The following LCP2 variants were observed in gnomAD, a reference collection of about 807,000 sequenced individuals.
The protein encoded by LCP2 is 76 kDa tyrosine phosphoprotein.
Under a neutral mutation model 74.5 loss-of-function variants are expected in LCP2, and 29 were observed. The ratio of observed to expected loss-of-function variants is 0.39; its 90% CI spans 0.29 to 0.53. LCP2 has a LOEUF of 0.53. Among genes scored for constraint, LCP2 ranks in the 20% least tolerant of loss-of-function variants. The pLI is 0.72. For missense variants in LCP2, 604 were observed against 634.6 expected (o/e 0.95, Z 0.52); for synonymous variants, 228 against 229.5 (o/e 0.99, Z 0.06).
At chr5:170,284,484 G>C (rs1242678190) in intron 3 of LCP2, among the ~76,000 whole-genome samples, 4 of 149,162 alleles carry the variant, frequency 2.7e-5, no homozygotes, top group African/African-American at 9.9e-5. Context: ...CTGCTTTTAA[G>C]ATTTTCTTTT....
chr5:170,284,890 A>G (rs1183815029), intron 3 of LCP2, among the ~76,000 whole-genome samples: 5 of 151,892 alleles, frequency 3.3e-5, no homozygotes, highest in Admixed American at 2.6e-4. Flanking sequence ...AGCTGGAACT[A>G]CAGTCGCCTG....
chr5:170,296,938 C>T (rs367909995), intron 1 of LCP2, among the ~76,000 whole-genome samples: 2 of 152,300 alleles, frequency 1.3e-5, no homozygotes, highest in Admixed American at 6.5e-5. Flanking sequence ...CCCTTAGGGT[C>T]GTGAGCAGTG....
intron 6 of LCP2, 89 bp downstream of exon 6, chr5:170,274,212 C>T (rs753486940): frequency 2.5e-4 from 334 of 1,360,030 alleles, no homozygotes; most frequent in Non-Finnish European, 3.1e-4. Flanking sequence ...GTTAGAGCCC[C>T]GCTTCACTTG....
chr5:170,252,938 A>G (rs562602780), intron 18 of LCP2, among the ~76,000 whole-genome samples, 181 bp downstream of exon 18: 1 of 152,370 alleles, frequency 6.6e-6, no homozygotes, highest in East Asian at 1.9e-4. Flanking sequence ...AAGCGTCTGA[A>G]AGAACGCCAA....
intron 3 of LCP2, among the ~76,000 whole-genome samples, chr5:170,285,772 T>C (rs996945644): frequency 4.6e-5 from 7 of 152,182 alleles, no homozygotes; most frequent in African/African-American, 1.7e-4. Context: ...CTTTCATGCA[T>C]GGACTGATCT....
chr5:170,262,692 G>C lies in LCP2; in HGVS notation c.869C>G (p.Thr290Ser). 6.2e-7 allele frequency: 1 copy of C among 1,614,008 alleles called. No individual in the cohort carries two copies. Among genetic ancestry groups the C allele is most frequent in the Non-Finnish European group, 8.5e-7 (1 of 1,179,876 alleles). Residue 290 changes from threonine to serine, a missense_variant, in exon 13 of 21, where the codon ACC becomes AGC. Transcript: ENST00000046794. ...GCTGCTCCTTTCATGTCTTTCCGTGGTCGGTGGTAAAGGAGGCTTTTGAAT... is the reference window on the plus strand; with the variant it reads ...GCTGCTCCTTTCATGTCTTTCCGTGCTCGGTGGTAAAGGAGGCTTTTGAAT... ...PKIQKPPLPPTTERHERSSPL... is the reference protein window; with the variant it reads ...PKIQKPPLPPSTERHERSSPL...
intron 3 of LCP2, among the ~76,000 whole-genome samples, chr5:170,279,097 C>T (rs1047385737): frequency 6.6e-6 from 1 of 152,138 alleles, no homozygotes; most frequent in Non-Finnish European, 1.5e-5. Context: ...CCCCATAAAC[C>T]CCTGGCCTCG....
At chr5:170,253,259 G>T (rs746639468) in intron 17 of LCP2, 46 bp from the exon 18 acceptor site, 3 of 1,326,684 alleles carry the variant, frequency 2.3e-6, no homozygotes, top group Non-Finnish European at 3.2e-6. Flanking sequence ...GTAAGCTATT[G>T]TTTGCTGCTA....
chr5:170,257,640 C>T (rs887839507), intron 16 of LCP2, among the ~76,000 whole-genome samples: 1 of 152,174 alleles, frequency 6.6e-6, no homozygotes, highest in East Asian at 1.9e-4. Context: ...TTCCTAGCAT[C>T]AGCCAAGCAC....
chr5:170,275,367 G>A lies in LCP2; in HGVS notation c.255-16C>T, dbSNP rs1761988942. 3.1e-6 allele frequency: 5 copies of A among 1,613,874 alleles called. No homozygotes were observed. Among genetic ancestry groups the A allele is most frequent in the Non-Finnish European group, 4.2e-6 (5 of 1,179,796 alleles). On this transcript the variant is annotated splice_polypyrimidine_tract_variant and intron_variant, in intron 4 of 20. Coordinates refer to ENST00000046794, the MANE Select transcript of LCP2 (RefSeq NM_005565.5). ...GACTTGGGGTCTGCAAAGGTAAATA[G>A]CACTGCATTAATGGTCTTCTCGATT...
At chr5:170,275,460 A>C in intron 4 of LCP2, 109 bp from the exon 5 acceptor site, 1 of 1,245,582 alleles carries the variant, frequency 8.0e-7, no homozygotes, top group South Asian at 1.2e-5. Context: ...GGCATGTCTC[A>C]CTGCTCAAGA....
chr5:170,280,083 A>G (rs1220558736), intron 3 of LCP2, among the ~76,000 whole-genome samples: 1 of 152,100 alleles, frequency 6.6e-6, no homozygotes, highest in Non-Finnish European at 1.5e-5. Context: ...TGTTTCCTCT[A>G]CTGTGGCACG....
In LCP2 at chr5:170,284,139, A is replaced by C. The variant is rs529096987; in HGVS notation, c.188+3831T>G. On this transcript the variant is annotated intron_variant, in intron 3 of 20. Coordinates refer to ENST00000046794, the MANE Select transcript of LCP2 (RefSeq NM_005565.5). ...ATGAATAAAGTATTATTGAAATATTAATCTTGTATAGGGACCACAAGATGC... is the reference window on the plus strand; with the variant it reads ...ATGAATAAAGTATTATTGAAATATTCATCTTGTATAGGGACCACAAGATGC... Among the ~76,000 whole-genome samples the C allele has an allele frequency of 2.6e-5, 4 of 152,348 alleles. No homozygotes were observed. In the East Asian group the frequency reaches 7.7e-4, roughly 29 times the overall value.
chr5:170,281,481 T>C (rs7708149), intron 3 of LCP2, among the ~76,000 whole-genome samples: 86,491 of 151,996 alleles, frequency 0.57, 24,863 homozygotes, highest in Admixed American at 0.65. Context: ...AGCGTTTCAC[T>C]GTGTTAGCCA....
intron 1 of LCP2, among the ~76,000 whole-genome samples, chr5:170,294,956 A>G (rs575930768): frequency 6.6e-6 from 1 of 152,332 alleles, no homozygotes; most frequent in Non-Finnish European, 1.5e-5. Context: ...TGTATTTTTA[A>G]GGAGCACCCT....
In LCP2 at chr5:170,247,364, TATC is replaced by T. The variant is rs1761322449; in HGVS notation, c.*1330_*1332del. Reference sequence around the variant, plus strand: ...CTTCTGCATACTCCTTATTTTAACATATCATCAGTTTTAAAATGGTGACTTCTT... The same window carrying T: ...CTTCTGCATACTCCTTATTTTAACATATCAGTTTTAAAATGGTGACTTCTT... On this transcript the variant is annotated 3_prime_UTR_variant, in exon 21 of 21. Transcript: ENST00000046794. 6.6e-6 allele frequency: 1 copy of T among 152,366 alleles called. No individual in the cohort carries two copies. Among genetic ancestry groups the T allele is most frequent in the African/African-American group, 2.4e-5 (1 of 41,594 alleles). The allele number at this position is 152,366 out of a possible 1,614,324, so 9.4% of individuals were successfully genotyped here.
chr5:170,270,789 A>T lies in LCP2; in HGVS notation c.453T>A (p.Asn151Lys). ...TGGAGTTCTGCAGAGCTTCCTCGTC[A>T]TTGGAGGGTGGCGGCTCATAATCCG... is the stretch of plus-strand genomic sequence containing the variant. ...DDADYEPPPS[N>K]DEEALQNSIL... Residue 151 changes from asparagine (N) to lysine (K), a missense_variant, in exon 7 of 21, where the codon AAT becomes AAA. By Grantham distance (94) the Asn-to-Lys change is moderately conservative. Coordinates refer to ENST00000046794, the MANE Select transcript of LCP2 (RefSeq NM_005565.5). 6.2e-7 allele frequency: 1 copy of T among 1,608,952 alleles called. No homozygotes were observed. Among genetic ancestry groups the T allele is most frequent in the Non-Finnish European group, 8.5e-7 (1 of 1,177,624 alleles).
chr5:170,259,410 C>A (rs140999404), intron 14 of LCP2, among the ~76,000 whole-genome samples: 1 of 152,170 alleles, frequency 6.6e-6, no homozygotes, highest in African/African-American at 2.4e-5. Flanking sequence ...CATATTTATA[C>A]GGTGGCTTAC....
rs144969623 is a variant in LCP2 at position 170,253,092 on chromosome 5, A to G, written c.1245+27T>C. 2.0e-5 allele frequency: 30 copies of G among 1,497,762 alleles called. No homozygotes were observed. The African/African-American group carries it at 3.4e-4, about 17-fold the overall frequency. 92.8% of individuals were successfully genotyped at this position (1,497,762 alleles called of 1,614,324 possible). Reference sequence around the variant, plus strand: ...TCTTTTACCAGGGAAAAGGCAAACAAACAAAAATAAAAACATGCTCTCTTA... The same window carrying G: ...TCTTTTACCAGGGAAAAGGCAAACAGACAAAAATAAAAACATGCTCTCTTA... On this transcript the variant is annotated intron_variant, in intron 18 of 20. Transcript: ENST00000046794.
Sources: gnomAD v4.1 joint callset for allele counts (sites outside exome capture counted in the v4.1 genomes callset) on GRCh38, gnomAD v4.1.1 for gene constraint, MANE v1.5 for transcripts, NCBI Gene and HGNC (gene_info 2026-07-23, HGNC 2026-07-21) for gene names.